Variants in VPS36 observed in about 807,000 individuals in gnomAD.
VPS36 encodes the protein vacuolar protein sorting 36 homolog.
In VPS36, 31 loss-of-function variants were observed where a neutral mutation model predicts 63.5. The observed-to-expected ratio is 0.49, with a 90% CI of 0.37 to 0.66. VPS36 has a LOEUF of 0.66. Ranked by LOEUF, VPS36 falls within the 30% of genes least tolerant of loss-of-function variation. The pLI is 0.00. For synonymous variants in VPS36, 138 were observed against 157.2 expected (o/e 0.88, Z 0.91); for missense variants, 338 against 463.7 (o/e 0.73, Z 2.49).
intron 3 of VPS36, among the ~76,000 whole-genome samples, chr13:52,437,755 C>T (rs927504644): frequency 6.6e-6 from 1 of 151,950 alleles, no homozygotes; most frequent in Non-Finnish European, 1.5e-5. Flanking sequence ...ACGGTGAAAC[C>T]CCGTCTCTAC....
At chr13:52,439,067 T>C (rs1278698844) in intron 3 of VPS36, 31 bp downstream of exon 3, 1 of 1,597,260 alleles carries the variant, frequency 6.3e-7, no homozygotes, top group Non-Finnish European at 8.6e-7. Context: ...ATGTTTTCTG[T>C]GAATAAAGAC....
At chr13:52,449,835 T>C (rs1958382415) in intron 1 of VPS36, 1 of 800,706 alleles carries the variant, frequency 1.2e-6, no homozygotes, top group Non-Finnish European at 1.5e-6. Context: ...TATAACACTT[T>C]ACAAAACACG....
At position 52,431,635 on chromosome 13, in the gene VPS36, C is replaced by T. The variant is rs766202895; in HGVS notation, c.528+2027G>A. Among the ~76,000 whole-genome samples, 23 of 151,520 alleles carry T rather than the reference C, an allele frequency of 1.5e-4. 1 individual carries two copies. Among genetic ancestry groups the T allele is most frequent in the Non-Finnish European group, 1.9e-4 (13 of 67,888 alleles). On this transcript the variant is annotated intron_variant, in intron 6 of 13. Coordinates refer to ENST00000378060, the MANE Select transcript of VPS36 (RefSeq NM_016075.4). ...AAAATTAGCTGGGCACAGTGGTGCGCGCCTGTAATCCCAGCTACTCGGGAG... is the reference window on the plus strand; with the variant it reads ...AAAATTAGCTGGGCACAGTGGTGCGTGCCTGTAATCCCAGCTACTCGGGAG...
rs9596654 is a variant in VPS36, at chr13:52,449,351, T to A, written c.96+1148A>T. Among the ~76,000 whole-genome samples, 482 of 152,186 alleles carry A rather than the reference T, an allele frequency of 3.2e-3. 3 individuals are homozygous for A. Among genetic ancestry groups the A allele is most frequent in the African/African-American group, 0.01 (431 of 41,514 alleles). ...AGACTCTGTCTCAAAATAAATAAAT[T>A]AATTAATTAAATTAAGAAGTGCTAA... On this transcript the variant is annotated intron_variant, in intron 1 of 13. Coordinates refer to ENST00000378060, the MANE Select transcript of VPS36 (RefSeq NM_016075.4).
chr13:52,436,079 T>C (rs1958212151), intron 4 of VPS36: 1 of 425,176 alleles, frequency 2.4e-6, no homozygotes, highest in Non-Finnish European at 4.2e-6. Flanking sequence ...CAACCTCTGC[T>C]TCCCATTCCC....
rs1360838887 is a variant in VPS36, at chr13:52,412,713, T to C, written c.*3117A>G. On this transcript the variant is annotated 3_prime_UTR_variant, in exon 14 of 14. Transcript: ENST00000378060. ...TATAGGTAGGAGTTCATTCATTCAG[T>C]AAATATTTATTGAATGCTTATTGTG... is the stretch of plus-strand genomic sequence containing the variant. 6.6e-6 allele frequency: 1 copy of C among 152,254 alleles called. No individual in the cohort carries two copies. Among genetic ancestry groups the C allele is most frequent in the Non-Finnish European group, 1.5e-5 (1 of 68,042 alleles). The allele number at this position is 152,254 out of a possible 1,614,324, so 9.4% of individuals were successfully genotyped here. A position where few individuals can be genotyped will look rare whatever the true frequency, so the allele number is the denominator to read the frequency against.
intron 3 of VPS36, among the ~76,000 whole-genome samples, chr13:52,436,928 C>T (rs925614234): frequency 6.6e-6 from 1 of 152,144 alleles, no homozygotes; most frequent in Non-Finnish European, 1.5e-5. Flanking sequence ...TATCCAATAA[C>T]AAAAACAATT....
chr13:52,427,324 A>G, intron 6 of VPS36, 105 bp from the exon 7 acceptor site: 1 of 1,244,426 alleles, frequency 8.0e-7, no homozygotes, highest in Non-Finnish European at 1.1e-6. Flanking sequence ...TGAAATTTTC[A>G]GCCGGGCGCA....
chr13:52,416,163 C>T, intron 12 of VPS36, 70 bp from the exon 13 acceptor site: 1 of 1,466,102 alleles, frequency 6.8e-7, no homozygotes, highest in Non-Finnish European at 9.4e-7. Context: ...ACTCTGGGTT[C>T]TAATGGTAGG....
chr13:52,431,890 TAGCAAAGTTCACCTAGTCACA>T, intron 6 of VPS36, among the ~76,000 whole-genome samples: 1 of 151,872 alleles, frequency 6.6e-6, no homozygotes, highest in South Asian at 2.1e-4. Context: ...GTGAAGAAGC[TAGCAAAGTTCACCTAGTCACA>T]ACAAAAGCAC....
At chr13:52,422,243 CTTAACA>C (rs1460016501) in intron 10 of VPS36, among the ~76,000 whole-genome samples, 1 of 152,184 alleles carries the variant, frequency 6.6e-6, no homozygotes, top group East Asian at 1.9e-4. Context: ...GCTTACTTCA[CTTAACA>C]TAAGGACTTC....
intron 3 of VPS36, 72 bp downstream of exon 3, chr13:52,439,026 T>C (rs1264482692): frequency 2.2e-6 from 3 of 1,387,610 alleles, no homozygotes; most frequent in Admixed American, 1.8e-5. Context: ...AAGTCTAAGA[T>C]AGGACCTCTT....
Position 52,417,104 on chromosome 13 carries a change from G to T in VPS36, c.943C>A (p.Leu315Ile). The T allele has an allele frequency of 6.2e-7, 1 of 1,614,030 alleles. No individual in the cohort carries two copies. Among genetic ancestry groups the T allele is most frequent in the Non-Finnish European group, 8.5e-7 (1 of 1,179,996 alleles). ...ATTTCCTCTTCCTTGTGAGACTGAA[G>T]CTCAATTACCATGACGCCACTGTCA... ...VFDSGVMVIE[L>I]QSHKEEEMVA... The change falls in exon 12 of 14, where the codon CTT (leucine) becomes ATT (isoleucine). Residue 315 changes from leucine (L) to isoleucine (I), a missense_variant. Coordinates refer to ENST00000378060, the MANE Select transcript of VPS36 (RefSeq NM_016075.4).
chr13:52,432,953 AG>A (rs1818477682), intron 6 of VPS36, among the ~76,000 whole-genome samples: 1 of 152,250 alleles, frequency 6.6e-6, no homozygotes, highest in South Asian at 2.1e-4. Context: ...AACCATCAAC[AG>A]AATTTTACTT....
chr13:52,424,716 T>C (rs1958080532), intron 9 of VPS36, among the ~76,000 whole-genome samples: 1 of 152,270 alleles, frequency 6.6e-6, no homozygotes. Context: ...GCCGGCACGG[T>C]GGCTCACACC....
chr13:52,419,890 G>A (rs1958028930), intron 10 of VPS36, among the ~76,000 whole-genome samples: 2 of 152,128 alleles, frequency 1.3e-5, no homozygotes, highest in Admixed American at 6.5e-5. Context: ...GGTGGGAAGA[G>A]TAGTGGGGAA....
At chr13:52,434,688 C>T in intron 5 of VPS36, 105 bp downstream of exon 5, 3 of 1,038,344 alleles carry the variant, frequency 2.9e-6, no homozygotes, top group Non-Finnish European at 4.3e-6. Flanking sequence ...AATACCATTG[C>T]AGTATTTTGT....
chr13:52,441,817 C>CT (rs34402598), intron 2 of VPS36, among the ~76,000 whole-genome samples: 1 of 152,204 alleles, frequency 6.6e-6, no homozygotes, highest in African/African-American at 2.4e-5. Flanking sequence ...ATCTCATTAT[C>CT]TAGGTAAAAG....
intron 10 of VPS36, among the ~76,000 whole-genome samples, chr13:52,420,192 A>T (rs1338089695): frequency 6.7e-6 from 1 of 148,372 alleles, no homozygotes; most frequent in East Asian, 2.1e-4. Context: ...CAGTGAGCCG[A>T]GGTTGTGCCA....
Sources: allele counts gnomAD v4.1 joint callset (sites outside exome capture counted in the v4.1 genomes callset), GRCh38; gene constraint gnomAD v4.1.1; transcripts MANE v1.5; gene names NCBI Gene and HGNC (gene_info 2026-07-23, HGNC 2026-07-21).